PRKCSH: variants seen among roughly 807,000 people sequenced by gnomAD.
PRKCSH encodes PRKCSH beta subunit of glucosidase II.
PRKCSH carries 42 observed loss-of-function variants against 79.7 expected under a neutral mutation model. The observed-to-expected ratio is 0.53, with a 90% CI of 0.41 to 0.68. The LOEUF (loss-of-function observed/expected upper bound fraction) is 0.68, where lower values mean the gene tolerates loss of function less well. PRKCSH is among the 30% of genes least tolerant of loss of function. The pLI, the probability that PRKCSH is intolerant of heterozygous loss-of-function variation, is 0.00. For synonymous variants in PRKCSH, 325 were observed against 288.2 expected (o/e 1.13, Z -1.29); for missense variants, 686 against 709.0 (o/e 0.97, Z 0.37).
At position 11,446,301 on chromosome 19, in the gene PRKCSH, C is replaced by G. The variant is rs145768193; in HGVS notation, c.713C>G (p.Pro238Arg). Residue 238 changes from proline (P) to arginine (R), a missense_variant, in exon 9 of 18, where the codon CCG becomes CGG. Around this residue, in one of 2 missense-constraint regions of PRKCSH, gnomAD observed 549 missense variants for 520.2 expected, o/e 1.06. Coordinates refer to ENST00000677123, the MANE Select transcript of PRKCSH (RefSeq NM_001289104.2). The part of the protein sequence containing the change: ...TVSVTELQTH[P>R]ELDTDGDGAL... ...TCGGTGACTGAGCTGCAGACTCACC[C>G]GGAGCTGGACACAGATGGGGATGGG... The G allele has an allele frequency of 6.2e-7, 1 of 1,613,804 alleles. No homozygotes were observed. Among genetic ancestry groups the G allele is most frequent in the Non-Finnish European group, 8.5e-7 (1 of 1,179,806 alleles).
At chr19:11,438,484 C>A (rs1219270149) in intron 5 of PRKCSH, among the ~76,000 whole-genome samples, 1 of 152,000 alleles carries the variant, frequency 6.6e-6, no homozygotes, top group Non-Finnish European at 1.5e-5. Flanking sequence ...AGGCCAGGCG[C>A]GGTGGCTCAC....
At chr19:11,435,870 A>C in intron 1 of PRKCSH, 164 bp downstream of exon 1, 1 of 1,027,668 alleles carries the variant, frequency 9.7e-7, no homozygotes, top group Non-Finnish European at 1.4e-6. Flanking sequence ...AGATCTTGAG[A>C]TCCTCGCCAT....
Position 11,435,649 on chromosome 19 carries a change from A to T in PRKCSH, c.-135A>T. 10 of 1,276,050 alleles carry T rather than the reference A, an allele frequency of 7.8e-6. No individual in the cohort carries two copies. Among genetic ancestry groups the T allele is most frequent in the Non-Finnish European group, 1.0e-5 (10 of 975,496 alleles). The allele number at this position is 1,276,050 out of a possible 1,614,324, so 79.0% of individuals were successfully genotyped here. A position where few individuals can be genotyped will look rare whatever the true frequency, so the allele number is the denominator to read the frequency against. On this transcript the variant is annotated 5_prime_UTR_variant, in exon 1 of 18. Transcript: ENST00000677123. The stretch of plus-strand genomic sequence containing the variant: ...ATTTCCGCTTTCTTTCTGCAGCAGG[A>T]ACCGCGGCTGCTGGACAAGAGGGGT...
chr19:11,449,174 C>A lies in PRKCSH; in HGVS notation c.1460C>A (p.Thr487Asn). ...GCWQGPNRST[T>N]VRLLCGKETM... is the part of the protein sequence containing the mutation. ...TGGCAGGGCCCCAACCGCTCCACCA[C>A]CGTGAGTGCCTGCAAGGCAGGGGAG... The change falls in exon 16 of 18, where the codon ACC becomes AAC. Residue 487 changes from threonine (T) to asparagine (N), a missense_variant and splice_region_variant. By Grantham distance (65) the Thr-to-Asn change is moderately conservative. This residue lies in a region of PRKCSH where 137 missense variants were observed against 188.8 expected (regional missense o/e 0.73). Coordinates refer to ENST00000677123, the MANE Select transcript of PRKCSH (RefSeq NM_001289104.2). This position sits in a 1 kb window ranked among gnomAD's most constrained non-coding sequence, Gnocchi z 6.4. 6.2e-7 allele frequency: 1 copy of A among 1,613,786 alleles called. No individual in the cohort carries two copies. Among genetic ancestry groups the A allele is most frequent in the Non-Finnish European group, 8.5e-7 (1 of 1,180,020 alleles).
intron 3 of PRKCSH, among the ~76,000 whole-genome samples, chr19:11,437,517 A>G (rs1969829207): frequency 6.6e-6 from 1 of 150,664 alleles, no homozygotes; most frequent in South Asian, 2.1e-4. Context: ...ACATCCGGCT[A>G]ATTTTTCGTA....
At chr19:11,443,145 G>A (rs1970140541) in intron 7 of PRKCSH, among the ~76,000 whole-genome samples, 1 of 152,128 alleles carries the variant, frequency 6.6e-6, no homozygotes, top group Non-Finnish European at 1.5e-5. Context: ...GGGCATGGTG[G>A]CTCACGCCTG....
chr19:11,446,449 C>A, intron 9 of PRKCSH, 99 bp downstream of exon 9: 1 of 1,374,386 alleles, frequency 7.3e-7, no homozygotes, highest in Non-Finnish European at 1.0e-6. Context: ...CCTTGCTGGC[C>A]TGGGATGCCT....
rs74180024 is a variant in PRKCSH at position 11,449,553 on chromosome 19, G to GT, written c.*16+132dup. On this transcript the variant is annotated intron_variant, in intron 17 of 17. Coordinates refer to ENST00000677123, the MANE Select transcript of PRKCSH (RefSeq NM_001289104.2). The surrounding 1 kb of genome is among the most constrained non-coding windows in gnomAD (Gnocchi z 6.4). ...CCCATGTTCCCTGCTTTTTTGTTTT[G>GT]TTTTTTTGAGGTGGAGTCTCACTCT... 9.6e-6 allele frequency: 13 copies of GT among 1,356,734 alleles called. No homozygotes were observed. The highest frequency in any genetic ancestry group is 4.9e-5 in the East Asian group (2 of 41,096). 84.0% of individuals were successfully genotyped at this position (1,356,734 alleles called of 1,614,324 possible).
intron 5 of PRKCSH, chr19:11,441,034 C>T: frequency 5.2e-6 from 3 of 579,720 alleles, no homozygotes; most frequent in South Asian, 3.5e-5. Flanking sequence ...TCCCTGACCC[C>T]AGGGGCTTAC....
intron 8 of PRKCSH, chr19:11,445,709 G>A: frequency 1.7e-6 from 1 of 592,880 alleles, no homozygotes; most frequent in Non-Finnish European, 3.0e-6. Context: ...CAGACCCTCA[G>A]CCTCAGGGAG....
intron 5 of PRKCSH, among the ~76,000 whole-genome samples, chr19:11,438,808 G>A (rs980470041): frequency 1.3e-5 from 2 of 152,044 alleles, no homozygotes; most frequent in South Asian, 2.1e-4. Flanking sequence ...CAAGTATGAG[G>A]CAATACGGAG....
Position 11,447,017 on chromosome 19 carries a change from G to A in PRKCSH, c.763-57G>A. Reference sequence around the variant, plus strand: ...GCACCGCAGCCCGGGTGCCGGGGTGGCCGAGATGGGGGACACGTGGTGGCC... The same window carrying A: ...GCACCGCAGCCCGGGTGCCGGGGTGACCGAGATGGGGGACACGTGGTGGCC... On this transcript the variant is annotated intron_variant, in intron 9 of 17. Coordinates refer to ENST00000677123, the MANE Select transcript of PRKCSH (RefSeq NM_001289104.2). This position sits in a 1 kb window ranked among gnomAD's most constrained non-coding sequence, Gnocchi z 5.6. 1.3e-6 allele frequency: 2 copies of A among 1,579,092 alleles called. No individual in the cohort carries two copies. Among genetic ancestry groups the A allele is most frequent in the South Asian group, 2.2e-5 (2 of 90,332 alleles).
intron 3 of PRKCSH, among the ~76,000 whole-genome samples, chr19:11,437,479 G>A (rs1969826361): frequency 6.6e-6 from 1 of 152,126 alleles, no homozygotes; most frequent in African/African-American, 2.4e-5. Flanking sequence ...AGCCTCCTGA[G>A]TAGCTGGGAT....
In PRKCSH at chr19:11,438,101, C is replaced by A. The variant is rs766039060; in HGVS notation, c.327C>A (p.Gly109=). The A allele has an allele frequency of 6.2e-7, 1 of 1,614,004 alleles. No individual in the cohort carries two copies. Among genetic ancestry groups the A allele is most frequent in the Non-Finnish European group, 8.5e-7 (1 of 1,180,014 alleles). Residue 109 remains glycine (G), a synonymous_variant, in exon 5 of 18, where the codon GGC becomes GGA. Transcript: ENST00000677123. ...CCDGTDEYNS[G]VICENTCKEK... ...ATGGAACAGACGAGTACAACAGCGG[C>A]GTCATCTGTGAGAACACCTGCAAGT...
intron 7 of PRKCSH, 130 bp downstream of exon 7, chr19:11,442,645 G>A: frequency 7.2e-7 from 1 of 1,397,974 alleles, no homozygotes; most frequent in Non-Finnish European, 9.8e-7. Flanking sequence ...CGCCTTGTGT[G>A]CTTTGAGGTT....
chr19:11,438,048 G>C lies in PRKCSH; in HGVS notation c.293-19G>C. ...GGAGGCACTGCCAGGTCTGATCTTG[G>C]CTTCTGCCTCTGCCACAGACTGCTG... On this transcript the variant is annotated intron_variant, in intron 4 of 17. Coordinates refer to ENST00000677123, the MANE Select transcript of PRKCSH (RefSeq NM_001289104.2). The C allele has an allele frequency of 6.2e-7, 1 of 1,614,146 alleles. No individual in the cohort carries two copies. The highest frequency in any genetic ancestry group is 8.5e-7 in the Non-Finnish European group (1 of 1,180,024).
Position 11,447,241 on chromosome 19 carries a change from T to C in PRKCSH, c.849+81T>C. 6.6e-7 allele frequency: 1 copy of C among 1,526,112 alleles called. No homozygotes were observed. The highest frequency in any genetic ancestry group is 1.1e-5 in the South Asian group (1 of 87,106). The allele number at this position is 1,526,112 out of a possible 1,614,324, so 94.5% of individuals were successfully genotyped here. On this transcript the variant is annotated intron_variant, in intron 10 of 17. Coordinates refer to ENST00000677123, the MANE Select transcript of PRKCSH (RefSeq NM_001289104.2). This position sits in a 1 kb window ranked among gnomAD's most constrained non-coding sequence, Gnocchi z 5.6. ...GCCTCACAAAGGAGCTGCCTCTGGT[T>C]CTGGCACCTGGCCACCCTGGCCAGC...
At position 11,448,847 on chromosome 19, in the gene PRKCSH, G is replaced by C; in HGVS notation, c.1287-67G>C. The C allele has an allele frequency of 1.3e-6, 2 of 1,580,062 alleles. No individual in the cohort carries two copies. The highest frequency in any genetic ancestry group is 1.7e-6 in the Non-Finnish European group (2 of 1,149,460). Reference sequence around the variant, plus strand: ...TGTGTGGGGACTGGAGGAGGCGGTGGGGGGTGGCTGTGGGAGGAGGCTGGA... The same window carrying C: ...TGTGTGGGGACTGGAGGAGGCGGTGCGGGGTGGCTGTGGGAGGAGGCTGGA... On this transcript the variant is annotated intron_variant, in intron 14 of 17. Transcript: ENST00000677123. The surrounding 1 kb of genome is among the most constrained non-coding windows in gnomAD (Gnocchi z 4.4).
chr19:11,449,049 G>T lies in PRKCSH; in HGVS notation c.1362-27G>T. 2 of 1,613,062 alleles carry T rather than the reference G, an allele frequency of 1.2e-6. No homozygotes were observed. Among genetic ancestry groups the T allele is most frequent in the Middle Eastern group, 1.6e-4 (1 of 6,062 alleles). On this transcript the variant is annotated intron_variant, in intron 15 of 17. Transcript: ENST00000677123. The surrounding 1 kb of genome is among the most constrained non-coding windows in gnomAD (Gnocchi z 6.4). ...CTCCTGGTGCCCCGACACCGGCCCA[G>T]CCCTCAGCACCCTGTGTCTCTCACA...
Sources: gnomAD v4.1 joint callset for allele counts (sites outside exome capture counted in the v4.1 genomes callset) on GRCh38, gnomAD v4.1.1 for gene constraint, gnomAD v4.1.1 regional missense constraint, Gnocchi (gnomAD v3.1) non-coding constraint, MANE v1.5 for transcripts, NCBI Gene and HGNC (gene_info 2026-07-23, HGNC 2026-07-21) for gene names.